GGNBP2: variants seen among roughly 807,000 people sequenced by gnomAD.
GGNBP2 encodes gametogenetin binding protein 2.
In GGNBP2, 10 loss-of-function variants were observed where a neutral mutation model predicts 85.9. The ratio of observed to expected loss-of-function variants is 0.12; its 90% CI spans 0.07 to 0.20. The LOEUF (loss-of-function observed/expected upper bound fraction) is 0.20. Ranked by LOEUF, GGNBP2 falls within the 10% of genes least tolerant of loss-of-function variation. The pLI, the probability that GGNBP2 is intolerant of heterozygous loss-of-function variation, is 1.00. For synonymous variants in GGNBP2, 287 were observed against 285.7 expected (o/e 1.00, Z -0.05); for missense variants, 595 against 857.8 (o/e 0.69, Z 3.83).
At position 36,586,168 on chromosome 17, in the gene GGNBP2, G is replaced by A. The variant is rs112423829; in HGVS notation, c.1611G>A (p.Lys537=). 1.2e-6 allele frequency: 2 copies of A among 1,612,806 alleles called. No individual in the cohort carries two copies. Among genetic ancestry groups the A allele is most frequent in the East Asian group, 4.5e-5 (2 of 44,880 alleles). The change falls in exon 12 of 14, where the codon AAG becomes AAA. Residue 537 remains lysine (K), a synonymous_variant. Coordinates refer to ENST00000613102, the MANE Select transcript of GGNBP2 (RefSeq NM_024835.5). ...AAGGAAAAAATAAAAAGAAGAAGAAGAAAAGCAAGATACTGAAATGTGATG... is the reference window on the plus strand; with the variant it reads ...AAGGAAAAAATAAAAAGAAGAAGAAAAAAAGCAAGATACTGAAATGTGATG... ...DTKGKNKKKK[K]KSKILKCDEH...
chr17:36,581,379 G>A lies in GGNBP2; in HGVS notation c.1056G>A (p.Leu352=), dbSNP rs979427018. ...TVEKVQGISR[L]EQLCEEFSEE... is the part of the protein sequence containing the mutation. ...AAAAAGTACAGGGTATTAGCAGATT[G>A]GAACAACTTTGTGAGGAATTTTCAG... The change falls in exon 9 of 14, where the codon TTG becomes TTA. Residue 352 remains leucine, a synonymous_variant. Transcript: ENST00000613102. 2 of 1,613,052 alleles carry A rather than the reference G, an allele frequency of 1.2e-6. No homozygotes were observed. Among genetic ancestry groups the A allele is most frequent in the South Asian group, 1.1e-5 (1 of 90,998 alleles).
At chr17:36,560,745 ACCC>A in intron 4 of GGNBP2, 25 bp from the exon 5 acceptor site, 1 of 1,185,010 alleles carries the variant, frequency 8.4e-7, no homozygotes, top group Non-Finnish European at 1.2e-6. Flanking sequence ...AATGAATTAA[ACCC>A]TTAATATGTT....
intron 6 of GGNBP2, among the ~76,000 whole-genome samples, chr17:36,568,914 C>T (rs2074495364): frequency 6.6e-6 from 1 of 152,022 alleles, no homozygotes; most frequent in African/African-American, 2.4e-5. Context: ...TACCACTGTG[C>T]CCAGCTAATT....
In GGNBP2 at chr17:36,557,133, A is replaced by C; in HGVS notation, c.225A>C (p.Thr75=). The C allele has an allele frequency of 3.7e-6, 6 of 1,614,122 alleles. No individual in the cohort carries two copies. Among genetic ancestry groups the C allele is most frequent in the Non-Finnish European group, 5.1e-6 (6 of 1,180,028 alleles). ...QQDLSIAMVV[T]SREVLSALSQ... ...ATCTAAGTATTGCCATGGTGGTGACATCACGCGAAGTCCTGAGTGCACTTT... is the reference window on the plus strand; with the variant it reads ...ATCTAAGTATTGCCATGGTGGTGACCTCACGCGAAGTCCTGAGTGCACTTT... Residue 75 remains threonine (T), a synonymous_variant, in exon 4 of 14, where the codon ACA becomes ACC. Coordinates refer to ENST00000613102, the MANE Select transcript of GGNBP2 (RefSeq NM_024835.5).
At position 36,562,953 on chromosome 17, in the gene GGNBP2, CAAAAAAAAAAA is replaced by C. The variant is rs34799358; in HGVS notation, c.527+2102_527+2112del. Among the ~76,000 whole-genome samples, 61 of 40,548 alleles carry C rather than the reference CAAAAAAAAAAA, an allele frequency of 1.5e-3. 1 individual carries two copies. In the East Asian group the frequency reaches 0.016, roughly 10 times the overall value. The allele number at this position is 40,548 out of a possible 152,430, so 26.6% of individuals were successfully genotyped here. A position where few individuals can be genotyped will look rare whatever the true frequency, so the allele number is the denominator to read the frequency against. On this transcript the variant is annotated intron_variant, in intron 5 of 13. Transcript: ENST00000613102. Reference sequence around the variant, plus strand: ...TGGGCGACAGAGCGAGACTCTGTCTCAAAAAAAAAAAAAAAAAAAAAAAAAAAAAAGGCTGG... The same window carrying C: ...TGGGCGACAGAGCGAGACTCTGTCTCAAAAAAAAAAAAAAAAAAAGGCTGG...
intron 2 of GGNBP2, among the ~76,000 whole-genome samples, chr17:36,549,714 G>C (rs537073675): frequency 6.6e-6 from 1 of 152,072 alleles, no homozygotes; most frequent in African/African-American, 2.4e-5. Context: ...ATTTTTAATG[G>C]CTGTGTAATA....
intron 6 of GGNBP2, among the ~76,000 whole-genome samples, chr17:36,569,629 A>C (rs148213346): frequency 5.5e-4 from 83 of 152,290 alleles, no homozygotes; most frequent in Admixed American, 4.8e-3. Context: ...CCGCATACCA[A>C]GTTTATTGGT....
chr17:36,567,113 C>G (rs2074476201), intron 5 of GGNBP2, among the ~76,000 whole-genome samples: 1 of 152,096 alleles, frequency 6.6e-6, no homozygotes, highest in African/African-American at 2.4e-5. Flanking sequence ...AGGGAAAATA[C>G]TTGATAATTT....
chr17:36,555,179 A>G (rs1599503747), intron 3 of GGNBP2, among the ~76,000 whole-genome samples: 2 of 152,222 alleles, frequency 1.3e-5, no homozygotes, highest in Non-Finnish European at 2.9e-5. Flanking sequence ...AAGATAAGGT[A>G]TATAATTTTT....
At position 36,557,238 on chromosome 17, in the gene GGNBP2, T is replaced by C. The variant is rs972441677; in HGVS notation, c.330T>C (p.Ala110=). The change falls in exon 4 of 14, where the codon GCT becomes GCC. Residue 110 remains alanine (A), a synonymous_variant. Transcript: ENST00000613102. ...FSQLVESGNP[A]LEPLTVGPKG... Reference sequence around the variant, plus strand: ...AGCTTGTAGAGTCTGGAAATCCTGCTCTTGAACCCCTAACAGTAGGGCCCA... The same window carrying C: ...AGCTTGTAGAGTCTGGAAATCCTGCCCTTGAACCCCTAACAGTAGGGCCCA... 1.9e-6 allele frequency: 3 copies of C among 1,614,164 alleles called. No homozygotes were observed. Among genetic ancestry groups the C allele is most frequent in the Non-Finnish European group, 1.7e-6 (2 of 1,180,028 alleles).
At chr17:36,554,154 C>T (rs1011598687) in intron 2 of GGNBP2, among the ~76,000 whole-genome samples, 5 of 151,388 alleles carry the variant, frequency 3.3e-5, no homozygotes, top group African/African-American at 1.2e-4. Context: ...ACTAAAAATA[C>T]AAAAATTAGC....
At chr17:36,547,198 T>G (rs1214192745) in intron 2 of GGNBP2, 3 of 152,230 alleles carry the variant, frequency 2.0e-5, no homozygotes, top group African/African-American at 7.2e-5. Flanking sequence ...AAACTAGCAC[T>G]GTGATCATAT....
At chr17:36,564,956 A>G (rs1446373247) in intron 5 of GGNBP2, among the ~76,000 whole-genome samples, 1 of 152,142 alleles carries the variant, frequency 6.6e-6, no homozygotes, top group African/African-American at 2.4e-5. Flanking sequence ...TCTAGGCTGG[A>G]GTTGTAGGCC....
Position 36,578,116 on chromosome 17 carries a change from A to G in GGNBP2, c.775A>G (p.Ile259Val). 1.9e-6 allele frequency: 3 copies of G among 1,614,160 alleles called. No homozygotes were observed. The highest frequency in any genetic ancestry group is 1.7e-6 in the Non-Finnish European group (2 of 1,179,980). Residue 259 changes from isoleucine (I) to valine (V), a missense_variant, in exon 7 of 14, where the codon ATA becomes GTA. Ile to Val is a conservative substitution (Grantham distance 29). Transcript: ENST00000613102. ...GCGGTGCTGTCCACATGAACGACAC[A>G]TACATGTTTGCTGTGAAACAGACTT... is the stretch of plus-strand genomic sequence containing the variant. Reference protein sequence around the residue: ...GLRCCPHERHIHVCCETDFIA... With the variant: ...GLRCCPHERHVHVCCETDFIA...
chr17:36,551,628 G>T (rs1460584392), intron 2 of GGNBP2, among the ~76,000 whole-genome samples: 1 of 151,898 alleles, frequency 6.6e-6, no homozygotes, highest in East Asian at 1.9e-4. Flanking sequence ...TGGATCACCT[G>T]AGGTCAGGAG....
chr17:36,588,230 G>C (rs926404364), intron 13 of GGNBP2, among the ~76,000 whole-genome samples: 1 of 152,108 alleles, frequency 6.6e-6, no homozygotes, highest in Non-Finnish European at 1.5e-5. Context: ...AGTCCTGATG[G>C]AACCAAATCC....
At chr17:36,551,422 T>C (rs1402636734) in intron 2 of GGNBP2, among the ~76,000 whole-genome samples, 1 of 152,072 alleles carries the variant, frequency 6.6e-6, no homozygotes, top group Non-Finnish European at 1.5e-5. Context: ...CAGGCTGGTC[T>C]TGAACTCACG....
At chr17:36,551,369 A>AT (rs1483842100) in intron 2 of GGNBP2, among the ~76,000 whole-genome samples, 1 of 151,838 alleles carries the variant, frequency 6.6e-6, no homozygotes, top group African/African-American at 2.4e-5. Context: ...ACTATGGCTA[A>AT]TTTTTTGTAT....
chr17:36,571,494 A>G (rs924431793), intron 6 of GGNBP2, among the ~76,000 whole-genome samples: 4 of 151,690 alleles, frequency 2.6e-5, no homozygotes, highest in Non-Finnish European at 5.9e-5. Context: ...GGTTGCGGTG[A>G]GCCAAGATTA....
Sources: allele counts gnomAD v4.1 joint callset (sites outside exome capture counted in the v4.1 genomes callset), GRCh38; gene constraint gnomAD v4.1.1; transcripts MANE v1.5; gene names NCBI Gene and HGNC (gene_info 2026-07-23, HGNC 2026-07-21).